Variants in TFEC observed in about 807,000 individuals in gnomAD.
TFEC encodes the protein transcription factor EC, also known as class E basic helix-loop-helix protein 34.
A neutral mutation model predicts 41.6 loss-of-function variants in TFEC; 31 were observed. The ratio of observed to expected loss-of-function variants is 0.74; its 90% CI spans 0.56 to 1.01. The LOEUF is 1.01. TFEC is among the 50% of genes least tolerant of loss of function. TFEC has a pLI of 0.00. For missense variants in TFEC, 402 were observed against 404.1 expected, an observed-to-expected ratio of 0.99 and a Z score of 0.04; for synonymous variants, 143 against 140.6, an observed-to-expected ratio of 1.02 and a Z score of -0.12.
chr7:116,051,410 C>T (rs567711191), intron 3 of TFEC, among the ~76,000 whole-genome samples: 2 of 152,194 alleles, frequency 1.3e-5, no homozygotes, highest in East Asian at 3.9e-4. Context: ...ATACTAGAGG[C>T]AAAATTCAAG....
intron 1 of TFEC, among the ~76,000 whole-genome samples, chr7:116,142,407 T>C (rs1042557884): frequency 2.0e-5 from 3 of 152,216 alleles, no homozygotes; most frequent in Non-Finnish European, 4.4e-5. Context: ...TTTCAGAATG[T>C]ACTCCCACAT....
chr7:116,138,930 T>G (rs1461029611), intron 1 of TFEC, among the ~76,000 whole-genome samples: 2 of 152,118 alleles, frequency 1.3e-5, no homozygotes, highest in African/African-American at 4.8e-5. Flanking sequence ...TGAAATACAA[T>G]AATAATTGCA....
intron 1 of TFEC, among the ~76,000 whole-genome samples, chr7:115,994,354 A>T (rs1431516424): frequency 6.6e-6 from 1 of 152,212 alleles, no homozygotes; most frequent in Non-Finnish European, 1.5e-5. Flanking sequence ...AAATTGACAA[A>T]TGGGATCTAA....
chr7:115,968,369 C>A, intron 3 of TFEC: 1 of 1,362,058 alleles, frequency 7.3e-7, no homozygotes, highest in Non-Finnish European at 9.5e-7. Flanking sequence ...TTGTGATTGA[C>A]AAAAGCTTGC....
chr7:116,050,914 T>C (rs961593212), intron 3 of TFEC, among the ~76,000 whole-genome samples: 1 of 152,166 alleles, frequency 6.6e-6, no homozygotes, highest in African/African-American at 2.4e-5. Flanking sequence ...CCACCAATGA[T>C]AGACTGGATT....
At chr7:116,028,983 T>G (rs973605528) in intron 1 of TFEC, among the ~76,000 whole-genome samples, 1 of 152,174 alleles carries the variant, frequency 6.6e-6, no homozygotes, top group Non-Finnish European at 1.5e-5. Context: ...TTGTACCTTA[T>G]TTAAATGTCT....
At chr7:115,972,529 T>C (rs1007080102) in intron 3 of TFEC, among the ~76,000 whole-genome samples, 2 of 152,142 alleles carry the variant, frequency 1.3e-5, no homozygotes, top group Non-Finnish European at 2.9e-5. Flanking sequence ...GACATGTGAA[T>C]TGTGCCTCAC....
In TFEC at chr7:115,984,365, A is replaced by G. The variant is rs375598544; in HGVS notation, c.77T>C (p.Val26Ala). The G allele has an allele frequency of 6.2e-7, 1 of 1,614,180 alleles. No homozygotes were observed. The highest frequency in any genetic ancestry group is 8.5e-7 in the Non-Finnish European group (1 of 1,179,996). Residue 26 changes from valine (V) to alanine (A), a missense_variant, in exon 2 of 8, where the codon GTG becomes GCG. Val to Ala is a moderately conservative substitution (Grantham distance 64, BLOSUM62 0). Transcript: ENST00000265440. ...QPAVPSGGPLVQHAHTTLDSD... is the reference protein window; with the variant it reads ...QPAVPSGGPLAQHAHTTLDSD... Reference sequence around the variant, plus strand: ...GTCCAGAGTTGTGTGTGCATGCTGCACAAGAGGCCCACCACTTGGCACTGC... The same window carrying G: ...GTCCAGAGTTGTGTGTGCATGCTGCGCAAGAGGCCCACCACTTGGCACTGC...
intron 3 of TFEC, among the ~76,000 whole-genome samples, chr7:116,050,325 C>CA (rs1796277260): frequency 6.6e-6 from 1 of 152,160 alleles, no homozygotes; most frequent in Non-Finnish European, 1.5e-5. Context: ...CACAGAAATA[C>CA]AAACTACCAT....
intron 1 of TFEC, among the ~76,000 whole-genome samples, chr7:116,116,299 A>G (rs1021143573): frequency 2.0e-5 from 3 of 151,942 alleles, no homozygotes; most frequent in African/African-American, 7.2e-5. Context: ...TATGGGGGAC[A>G]TGATAGCTGT....
chr7:116,095,294 T>C (rs1288226507), intron 3 of TFEC, among the ~76,000 whole-genome samples: 1 of 152,234 alleles, frequency 6.6e-6, no homozygotes, highest in East Asian at 1.9e-4. Flanking sequence ...AAAGCACTTC[T>C]AGTTATGCAA....
intron 3 of TFEC, among the ~76,000 whole-genome samples, chr7:116,059,734 T>C (rs1390102378): frequency 6.6e-6 from 1 of 151,748 alleles, no homozygotes; most frequent in African/African-American, 2.4e-5. Context: ...AAAAGAAAAA[T>C]GATATGATCA....
At position 115,937,763 on chromosome 7, in the gene TFEC, A is replaced by G. The variant is rs1477428476; in HGVS notation, c.*2788T>C. ...CATTGTTATACATGACATTAACCGC[A>G]CACCTAAGAGACCTGATTCAGGAAT... On this transcript the variant is annotated 3_prime_UTR_variant, in exon 8 of 8. Transcript: ENST00000265440. 6 of 151,720 alleles carry G rather than the reference A, an allele frequency of 4.0e-5. No individual in the cohort carries two copies. The East Asian group carries it at 7.7e-4, about 20-fold the overall frequency. The allele number at this position is 151,720 out of a possible 1,614,324, so 9.4% of individuals were successfully genotyped here.
intron 3 of TFEC, among the ~76,000 whole-genome samples, chr7:116,096,513 G>A (rs1797464567): frequency 6.6e-6 from 1 of 151,894 alleles, no homozygotes; most frequent in Non-Finnish European, 1.5e-5. Flanking sequence ...TCTAATATGT[G>A]TATAGTAGAA....
At chr7:116,029,478 G>A (rs995183840) in intron 1 of TFEC, among the ~76,000 whole-genome samples, 2 of 152,178 alleles carry the variant, frequency 1.3e-5, no homozygotes, top group East Asian at 1.9e-4. Context: ...TTCTGAATAC[G>A]AAAGAATCAT....
chr7:115,960,592 A>C (rs900372751), intron 3 of TFEC, among the ~76,000 whole-genome samples: 2 of 151,620 alleles, frequency 1.3e-5, no homozygotes, highest in African/African-American at 4.8e-5. Flanking sequence ...AGGGAAGCCA[A>C]AGGATGTGAA....
chr7:115,980,778 C>CA (rs200415250), intron 2 of TFEC, among the ~76,000 whole-genome samples: 4,332 of 144,372 alleles, frequency 0.03, 76 homozygotes, highest in Non-Finnish European at 0.04. Context: ...ACAAAAAAAA[C>CA]AAAAAAAAAC....
At chr7:116,031,549 G>A (rs1037230170), upstream of TFEC, among the ~76,000 whole-genome samples, 1 of 152,086 alleles carries the variant, frequency 6.6e-6, no homozygotes, top group South Asian at 2.1e-4. Flanking sequence ...ATTCATTCTT[G>A]TAACAGTTAC....
At chr7:116,136,946 G>T (rs752501738) in intron 1 of TFEC, among the ~76,000 whole-genome samples, 2 of 151,976 alleles carry the variant, frequency 1.3e-5, no homozygotes, top group Non-Finnish European at 2.9e-5. Flanking sequence ...TCTTCTCAAT[G>T]AAGTAATTTT....
Sources: gnomAD v4.1 joint callset for allele counts (sites outside exome capture counted in the v4.1 genomes callset) on GRCh38, gnomAD v4.1.1 for gene constraint, MANE v1.5 for transcripts, NCBI Gene and HGNC (gene_info 2026-07-23, HGNC 2026-07-21) for gene names.